The following LINGO2 variants were observed in gnomAD, a reference collection of about 807,000 sequenced individuals.
LINGO2 encodes leucine rich repeat and Ig domain containing 2.
In LINGO2, 14 loss-of-function variants were observed where a neutral mutation model predicts 30.6. That is an observed-to-expected ratio of 0.46 (90% confidence interval 0.30 to 0.72). The LOEUF (loss-of-function observed/expected upper bound fraction) is 0.72. Ranked by LOEUF, LINGO2 falls within the 30% of genes least tolerant of loss-of-function variation. LINGO2 has a pLI of 0.07. For missense variants in LINGO2, 729 were observed against 751.7 expected (o/e 0.97, Z 0.35); for synonymous variants, 317 against 288.5 (o/e 1.10, Z -1.00).
At chr9:28,231,628 G>T (rs1183032124) in intron 4 of LINGO2, among the ~76,000 whole-genome samples, 2 of 151,934 alleles carry the variant, frequency 1.3e-5, no homozygotes, top group Admixed American at 1.3e-4. Context: ...TTCCCTAATG[G>T]GTTTCAAAGG....
chr9:27,961,804 C>G (rs535381428), intron 5 of LINGO2, among the ~76,000 whole-genome samples: 1 of 152,134 alleles, frequency 6.6e-6, no homozygotes, highest in South Asian at 2.1e-4. Flanking sequence ...GGTAAATGGG[C>G]AAATTCAAGA....
chr9:28,379,213 T>C (rs964195024), intron 2 of LINGO2, among the ~76,000 whole-genome samples: 1 of 152,082 alleles, frequency 6.6e-6, no homozygotes, highest in Non-Finnish European at 1.5e-5. Flanking sequence ...CATGAAGCCA[T>C]AAAATGTTTT....
rs574300133 is a variant in LINGO2 at position 28,303,392 on chromosome 9, A to G, written c.-245-8026T>C. ...TTGGATGTGACCTAACTCAACTAAC[A>G]TGACCTAAATATGAAAGCTTGAGGG... On this transcript the variant is annotated intron_variant, in intron 3 of 5. Coordinates refer to ENST00000379992, the Ensembl canonical transcript of LINGO2. Among the ~76,000 whole-genome samples, 7 of 152,250 alleles carry G rather than the reference A, an allele frequency of 4.6e-5. No individual in the cohort carries two copies. The South Asian group carries it at 1.5e-3, about 32-fold the overall frequency.
rs564005217 is a variant in LINGO2 at position 28,163,284 on chromosome 9, G to A, written c.-87+131924C>T. 3.9e-5 allele frequency among the ~76,000 whole-genome samples: 6 copies of A among 152,198 alleles called. No individual in the cohort carries two copies. In the East Asian group the frequency reaches 1.2e-3, roughly 29 times the overall value. On this transcript the variant is annotated intron_variant, in intron 4 of 5. Coordinates refer to ENST00000379992, the Ensembl canonical transcript of LINGO2. ...CAATCGAATCTGCAGTAAAATGAGA[G>A]TTAAGAAAGTGGGAATAGCCAAAAC...
In LINGO2 at chr9:28,447,242, C is replaced by T. The variant is rs1182165862; in HGVS notation, c.-279+28698G>A. 2.6e-5 allele frequency among the ~76,000 whole-genome samples: 4 copies of T among 152,146 alleles called. No individual in the cohort carries two copies. The East Asian group carries it at 7.7e-4, about 29-fold the overall frequency. On this transcript the variant is annotated intron_variant, in intron 2 of 5. Transcript: ENST00000379992. ...AAAAATTCATATGCTGAAACCCAAT[C>T]TCTAATGCAACAGTATTAAGAGGTG...
At chr9:28,186,220 C>T (rs1564026381) in intron 4 of LINGO2, among the ~76,000 whole-genome samples, 1 of 152,148 alleles carries the variant, frequency 6.6e-6, no homozygotes, top group Non-Finnish European at 1.5e-5. Context: ...GACTCCTACA[C>T]AAACTGGTAT....
At chr9:29,165,380 G>A in the LINGO2 span, among the ~76,000 whole-genome samples, 2 of 152,016 alleles carry the variant, frequency 1.3e-5, no homozygotes, top group Admixed American at 1.3e-4. Context: ...TTCTCATGGA[G>A]TCTCTGGGAA....
chr9:28,567,664 G>C (rs1017055812), intron 1 of LINGO2, among the ~76,000 whole-genome samples: 4 of 151,990 alleles, frequency 2.6e-5, no homozygotes, highest in East Asian at 1.9e-4. Context: ...GGATGGGAGA[G>C]AGGCAAGGGT....
chr9:28,091,013 T>C (rs1281775208), intron 4 of LINGO2, among the ~76,000 whole-genome samples: 1 of 152,130 alleles, frequency 6.6e-6, no homozygotes, highest in African/African-American at 2.4e-5. Context: ...ACAAGGGATA[T>C]GAAGGACCTT....
intron 4 of LINGO2, among the ~76,000 whole-genome samples, chr9:28,111,692 T>C (rs149293395): frequency 3.1e-4 from 47 of 152,228 alleles, no homozygotes; most frequent in African/African-American, 1.1e-3. Context: ...TGTAGTACAA[T>C]AAATGTAATG....
the LINGO2 span, among the ~76,000 whole-genome samples, chr9:29,090,053 G>A: frequency 6.6e-6 from 1 of 151,880 alleles, no homozygotes; most frequent in East Asian, 1.9e-4. Context: ...ACACTCTAAA[G>A]ATATATTAAA....
intron 4 of LINGO2, among the ~76,000 whole-genome samples, chr9:28,057,101 C>T (rs1344776938): frequency 6.6e-6 from 1 of 151,968 alleles, no homozygotes; most frequent in Non-Finnish European, 1.5e-5. Context: ...GTGGCTGTTG[C>T]GCTTATGAAT....
intron 3 of LINGO2, among the ~76,000 whole-genome samples, chr9:28,319,266 C>T (rs1217835262): frequency 6.6e-6 from 1 of 152,172 alleles, no homozygotes; most frequent in Non-Finnish European, 1.5e-5. Context: ...CTCTCCTCCT[C>T]CATTCTCAAA....
At chr9:28,536,192 T>A (rs975620612) in intron 1 of LINGO2, among the ~76,000 whole-genome samples, 1 of 152,156 alleles carries the variant, frequency 6.6e-6, no homozygotes, top group Non-Finnish European at 1.5e-5. Flanking sequence ...AACTCTGTGC[T>A]TAAGTGTGGT....
chr9:28,003,151 C>T (rs1008340059), intron 5 of LINGO2, among the ~76,000 whole-genome samples: 12 of 152,084 alleles, frequency 7.9e-5, no homozygotes, highest in African/African-American at 2.9e-4. Flanking sequence ...AGTGATCCTG[C>T]CATATTTGTG....
At chr9:28,838,732 C>G in the LINGO2 span, among the ~76,000 whole-genome samples, 1 of 152,202 alleles carries the variant, frequency 6.6e-6, no homozygotes, top group African/African-American at 2.4e-5. Context: ...CCAGTGGCGC[C>G]TTTGCCTGAG....
At chr9:28,167,161 T>C (rs543796394) in intron 4 of LINGO2, among the ~76,000 whole-genome samples, 1 of 138,778 alleles carries the variant, frequency 7.2e-6, no homozygotes, top group Non-Finnish European at 1.6e-5. Context: ...CACTTTTCTT[T>C]TCTCCAGCTT....
intron 4 of LINGO2, among the ~76,000 whole-genome samples, chr9:28,052,592 T>C (rs1220112349): frequency 6.6e-6 from 1 of 152,106 alleles, no homozygotes; most frequent in Non-Finnish European, 1.5e-5. Context: ...CCTGGTTTCA[T>C]GGTACGCATC....
intron 1 of LINGO2, among the ~76,000 whole-genome samples, chr9:28,591,150 G>A (rs1824886167): frequency 6.6e-6 from 1 of 151,330 alleles, no homozygotes; most frequent in African/African-American, 2.4e-5. Context: ...ACACACTGGG[G>A]CCTGTTGTGG....
Sources: allele counts gnomAD v4.1 joint callset (sites outside exome capture counted in the v4.1 genomes callset), GRCh38; gene constraint gnomAD v4.1.1; transcripts MANE v1.5; gene names NCBI Gene and HGNC (gene_info 2026-07-23, HGNC 2026-07-21).